The following FRAS1 variants were observed in gnomAD, a reference collection of about 807,000 sequenced individuals.
FRAS1 encodes the protein Fraser extracellular matrix complex subunit 1.
Under a neutral mutation model 435.2 loss-of-function variants are expected in FRAS1, and 290 were observed. The observed-to-expected ratio is 0.67, with a 90% confidence interval of 0.61 to 0.73. FRAS1 has a LOEUF of 0.73. FRAS1 is among the 30% of genes least tolerant of loss of function. FRAS1 has a pLI of 0.00. For missense variants in FRAS1, 4,860 were observed against 5,001.5 expected (o/e 0.97, Z 0.85); for synonymous variants, 1,800 against 1,851.0 (o/e 0.97, Z 0.71).
chr4:78,452,284 G>A lies in FRAS1; in HGVS notation c.6693G>A (p.Gly2231=). 1.2e-6 allele frequency: 2 copies of A among 1,613,276 alleles called. No individual in the cohort carries two copies. Among genetic ancestry groups the A allele is most frequent in the South Asian group, 1.1e-5 (1 of 90,892 alleles). Residue 2231 remains glycine (G), a synonymous_variant, in exon 47 of 74, where the codon GGG becomes GGA. Coordinates refer to ENST00000512123, the MANE Select transcript of FRAS1 (RefSeq NM_025074.7). Reference sequence around the variant, plus strand: ...TGTCTGCCACTGACCAGGACAGTGGGCCTACAGAATTGATCTACAGAATCA... The same window carrying A: ...TGTCTGCCACTGACCAGGACAGTGGACCTACAGAATTGATCTACAGAATCA... ...LQLSATDQDS[G]PTELIYRITR...
intron 2 of FRAS1, among the ~76,000 whole-genome samples, chr4:78,130,984 C>A (rs962126992): frequency 1.3e-5 from 2 of 152,176 alleles, no homozygotes; most frequent in Admixed American, 6.5e-5. Context: ...AGCTGTAGCA[C>A]CAAATAAACC....
chr4:78,516,238 C>T (rs1361905533), intron 66 of FRAS1, among the ~76,000 whole-genome samples: 1 of 152,218 alleles, frequency 6.6e-6, no homozygotes, highest in African/African-American at 2.4e-5. Flanking sequence ...TACTGTCTGG[C>T]ATACTCACTT....
intron 2 of FRAS1, among the ~76,000 whole-genome samples, chr4:78,205,178 C>T (rs1364067718): frequency 6.7e-6 from 1 of 149,396 alleles, no homozygotes; most frequent in African/African-American, 2.4e-5. Context: ...GATTCTTCCT[C>T]TTTCTTTCCT....
At chr4:78,196,292 C>T (rs567845490) in intron 2 of FRAS1, among the ~76,000 whole-genome samples, 2 of 152,326 alleles carry the variant, frequency 1.3e-5, no homozygotes, top group East Asian at 3.9e-4. Context: ...CAGGTGTGAT[C>T]CACCTTGCCC....
At position 78,364,316 on chromosome 4, in the gene FRAS1, C is replaced by T. The variant is rs187532463; in HGVS notation, c.2722+262C>T. 4.2e-3 allele frequency among the ~76,000 whole-genome samples: 644 copies of T among 152,308 alleles called. 7 individuals carry two copies. Among genetic ancestry groups the T allele is most frequent in the Non-Finnish European group, 4.8e-3 (327 of 68,020 alleles). On this transcript the variant is annotated intron_variant, in intron 22 of 73. Coordinates refer to ENST00000512123, the MANE Select transcript of FRAS1 (RefSeq NM_025074.7). The stretch of plus-strand genomic sequence containing the variant: ...GTATGATCTTGGGCAGGTTATTTAA[C>T]TTCTCTGTCCAGGTTATCTCATTTA...
At position 78,202,977 on chromosome 4, in the gene FRAS1, G is replaced by A. The variant is rs117402876; in HGVS notation, c.109-34533G>A. ...TGGTGAGCTGGGCTTTCTTATTTGTGGATGTGAATGTTCCAGAACATACTG... is the reference window on the plus strand; with the variant it reads ...TGGTGAGCTGGGCTTTCTTATTTGTAGATGTGAATGTTCCAGAACATACTG... On this transcript the variant is annotated intron_variant, in intron 2 of 73. Transcript: ENST00000512123. Among the ~76,000 whole-genome samples, 278 of 152,218 alleles carry A rather than the reference G, an allele frequency of 1.8e-3. No individual in the cohort carries two copies. In the Middle Eastern group the frequency reaches 0.024, roughly 13 times the overall value.
intron 9 of FRAS1, among the ~76,000 whole-genome samples, chr4:78,271,713 A>C (rs1395362303): frequency 8.6e-5 from 13 of 151,698 alleles, no homozygotes; most frequent in Admixed American, 8.5e-4. Flanking sequence ...CCAGTCTATC[A>C]TTGATGGGCA....
chr4:78,142,615 G>A (rs1046203825), intron 2 of FRAS1, among the ~76,000 whole-genome samples: 1 of 152,076 alleles, frequency 6.6e-6, no homozygotes, highest in Non-Finnish European at 1.5e-5. Flanking sequence ...AGGAAAGGAC[G>A]AAGAGCAATA....
Position 78,373,638 on chromosome 4 carries a change from A to G in FRAS1, c.3011-473A>G, listed in dbSNP as rs1731602169. Among the ~76,000 whole-genome samples, 4 of 151,912 alleles carry G rather than the reference A, an allele frequency of 2.6e-5. No homozygotes were observed. The South Asian group carries it at 8.3e-4, about 32-fold the overall frequency. On this transcript the variant is annotated intron_variant, in intron 24 of 73. Coordinates refer to ENST00000512123, the MANE Select transcript of FRAS1 (RefSeq NM_025074.7). ...ACTAAAAATACAAAATTAGCCGAGC[A>G]TGGTGGCACATGTCTGTAATCCCAG... is the stretch of plus-strand genomic sequence containing the variant.
chr4:78,389,323 G>A (rs566965394), intron 29 of FRAS1, among the ~76,000 whole-genome samples: 94 of 152,348 alleles, frequency 6.2e-4, no homozygotes, highest in African/African-American at 2.0e-3. Flanking sequence ...AGACTGGTTT[G>A]TTGAGGACAG....
intron 63 of FRAS1, among the ~76,000 whole-genome samples, chr4:78,510,413 A>C (rs1720995339): frequency 6.6e-6 from 1 of 152,194 alleles, no homozygotes; most frequent in South Asian, 2.1e-4. Context: ...ATGTATATAT[A>C]AATAAGTAAA....
rs1162519838 is a variant in FRAS1, at chr4:78,541,296, C to T, written c.*172C>T. The T allele has an allele frequency of 2.4e-6, 1 of 418,666 alleles. No homozygotes were observed. Among genetic ancestry groups the T allele is most frequent in the African/African-American group, 2.0e-5 (1 of 48,970 alleles). 25.9% of individuals were successfully genotyped at this position (418,666 alleles called of 1,614,324 possible). A position where few individuals can be genotyped will look rare whatever the true frequency, so the allele number is the denominator to read the frequency against. On this transcript the variant is annotated 3_prime_UTR_variant, in exon 74 of 74. Transcript: ENST00000512123. Reference sequence around the variant, plus strand: ...TGAGCTACCTCATTCAGCAAAGAACCACTGAGAACCCCAGAGTATTACAGT... The same window carrying T: ...TGAGCTACCTCATTCAGCAAAGAACTACTGAGAACCCCAGAGTATTACAGT...
chr4:78,068,635 A>AG (rs1740177530), intron 2 of FRAS1: 7 of 455,960 alleles, frequency 1.5e-5, no homozygotes, highest in Non-Finnish European at 2.6e-5. Flanking sequence ...CTGAAATGAG[A>AG]GTGTGCTTGT....
At chr4:78,452,033 C>A (rs1719042085) in intron 46 of FRAS1, 142 bp downstream of exon 46, 2 of 1,227,386 alleles carry the variant, frequency 1.6e-6, no homozygotes, top group Non-Finnish European at 2.3e-6. Flanking sequence ...CCCTTTATTG[C>A]ACGAAGCCCT....
At position 78,284,441 on chromosome 4, in the gene FRAS1, C is replaced by G; in HGVS notation, c.1292C>G (p.Ser431Cys). 1.2e-6 allele frequency: 2 copies of G among 1,613,846 alleles called. No individual in the cohort carries two copies. The highest frequency in any genetic ancestry group is 1.7e-6 in the Non-Finnish European group (2 of 1,179,832). The change falls in exon 13 of 74, where the codon TCT becomes TGT. Residue 431 changes from serine to cysteine, a missense_variant. Ser to Cys is a moderately radical substitution (Grantham distance 112). Coordinates refer to ENST00000512123, the MANE Select transcript of FRAS1 (RefSeq NM_025074.7). Reference protein sequence around the residue: ...CHPDCLTCSQSPDHCDLCQDP... With the variant: ...CHPDCLTCSQCPDHCDLCQDP... ...CCAGATTGTTTGACATGCTCTCAGT[C>G]TCCAGACCACTGTGACCTCTGCCAA...
chr4:78,395,080 T>G (rs1244907450), intron 29 of FRAS1, among the ~76,000 whole-genome samples: 2 of 151,946 alleles, frequency 1.3e-5, no homozygotes, highest in African/African-American at 2.4e-5. Flanking sequence ...GTCCTAACAG[T>G]CTTTTGGTGG....
chr4:78,245,744 A>G (rs1725211787), intron 4 of FRAS1, among the ~76,000 whole-genome samples: 1 of 152,210 alleles, frequency 6.6e-6, no homozygotes. Context: ...TTACTAATAA[A>G]TGGTATAACC....
intron 47 of FRAS1, among the ~76,000 whole-genome samples, chr4:78,455,059 G>A (rs1265388162): frequency 6.6e-6 from 1 of 152,076 alleles, no homozygotes; most frequent in African/African-American, 2.4e-5. Flanking sequence ...CAATCTGCCT[G>A]CTTCCAGTAA....
At chr4:78,233,676 T>TAC (rs999878301) in intron 2 of FRAS1, among the ~76,000 whole-genome samples, 11 of 152,222 alleles carry the variant, frequency 7.2e-5, no homozygotes, top group African/African-American at 2.7e-4. Flanking sequence ...ATTGAATAAG[T>TAC]ACTTTCTCAT....
Sources: allele counts gnomAD v4.1 joint callset (sites outside exome capture counted in the v4.1 genomes callset), GRCh38; gene constraint gnomAD v4.1.1; transcripts MANE v1.5; gene names NCBI Gene and HGNC (gene_info 2026-07-23, HGNC 2026-07-21).